Variants in PLXDC2 observed in about 807,000 individuals in gnomAD.
PLXDC2 encodes the protein plexin domain-containing protein 2.
PLXDC2 carries 40 observed loss-of-function variants against 68.9 expected under a neutral mutation model. That is an observed-to-expected ratio of 0.58 (90% CI 0.45 to 0.76). The LOEUF (loss-of-function observed/expected upper bound fraction) is 0.76, where lower values mean the gene tolerates loss of function less well. PLXDC2 is among the 30% of genes least tolerant of loss of function. The pLI, the probability that PLXDC2 is intolerant of heterozygous loss-of-function variation, is 0.00. For missense variants in PLXDC2, 644 were observed against 661.9 expected (o/e 0.97, Z 0.30); for synonymous variants, 243 against 234.2 (o/e 1.04, Z -0.34).
intron 1 of PLXDC2, among the ~76,000 whole-genome samples, chr10:19,835,890 A>G (rs1221010013): frequency 6.6e-6 from 1 of 152,104 alleles, no homozygotes; most frequent in Non-Finnish European, 1.5e-5. Flanking sequence ...CATGGCTGGG[A>G]TCTGGGTGTG....
intron 2 of PLXDC2, among the ~76,000 whole-genome samples, chr10:20,038,706 T>C (rs1671446967): frequency 6.6e-6 from 1 of 152,206 alleles, no homozygotes; most frequent in Non-Finnish European, 1.5e-5. Context: ...TTAATATAAT[T>C]CTTTAGCAAC....
intron 2 of PLXDC2, among the ~76,000 whole-genome samples, chr10:20,012,192 C>G (rs1036063699): frequency 6.7e-6 from 1 of 150,192 alleles, no homozygotes; most frequent in African/African-American, 2.5e-5. Context: ...TATTTTTAAG[C>G]AATGATTAAT....
intron 1 of PLXDC2, among the ~76,000 whole-genome samples, chr10:19,879,487 G>C (rs982210089): frequency 6.6e-6 from 1 of 151,982 alleles, no homozygotes; most frequent in African/African-American, 2.4e-5. Flanking sequence ...AATTTTAAAC[G>C]CTCATTGTGT....
intron 1 of PLXDC2, among the ~76,000 whole-genome samples, chr10:19,895,403 C>A (rs1421661607): frequency 6.6e-6 from 1 of 152,088 alleles, no homozygotes; most frequent in Non-Finnish European, 1.5e-5. Flanking sequence ...TTCTAAATTT[C>A]CCAGTAGCCG....
In PLXDC2 at chr10:20,006,131, A is replaced by T. The variant is rs1014648606; in HGVS notation, c.324+4145A>T. Among the ~76,000 whole-genome samples, 7 of 152,180 alleles carry T rather than the reference A, an allele frequency of 4.6e-5. No homozygotes were observed. In the East Asian group the frequency reaches 1.4e-3, roughly 29 times the overall value. The stretch of plus-strand genomic sequence containing the variant: ...GGAGTGTAGGTTGCAGCCAGCTGAG[A>T]TTCCACCACTGTACTCCAACCTGGG... On this transcript the variant is annotated intron_variant, in intron 2 of 13. Coordinates refer to ENST00000377252, the MANE Select transcript of PLXDC2 (RefSeq NM_032812.9).
chr10:20,145,804 C>T (rs1221044337), intron 5 of PLXDC2, among the ~76,000 whole-genome samples: 1 of 152,096 alleles, frequency 6.6e-6, no homozygotes, highest in Non-Finnish European at 1.5e-5. Flanking sequence ...CCGCCTGCCT[C>T]GGCCTCTCAA....
chr10:19,968,144 G>C (rs1306822893), intron 1 of PLXDC2, among the ~76,000 whole-genome samples: 2 of 152,230 alleles, frequency 1.3e-5, no homozygotes, highest in African/African-American at 4.8e-5. Context: ...TCAGCGTTAA[G>C]ATGGGTTTTG....
intron 1 of PLXDC2, among the ~76,000 whole-genome samples, chr10:19,841,789 C>G (rs1022762743): frequency 6.6e-6 from 1 of 152,028 alleles, no homozygotes; most frequent in African/African-American, 2.4e-5. Context: ...TTTTATTCAG[C>G]ATTGCTCATT....
intron 4 of PLXDC2, among the ~76,000 whole-genome samples, chr10:20,084,583 G>T (rs1246233095): frequency 6.6e-6 from 1 of 152,066 alleles, no homozygotes; most frequent in African/African-American, 2.4e-5. Flanking sequence ...TGGAAGGCAG[G>T]TAGAAGGCAG....
chr10:20,058,158 A>G (rs10827935), intron 3 of PLXDC2, among the ~76,000 whole-genome samples: 24,910 of 152,050 alleles, frequency 0.16, 2,272 homozygotes, highest in South Asian at 0.36. Flanking sequence ...TTGGTACGTA[A>G]TATTTTACAT....
intron 2 of PLXDC2, among the ~76,000 whole-genome samples, chr10:20,012,401 T>A (rs1835135809): frequency 7.8e-6 from 1 of 128,012 alleles, no homozygotes; most frequent in South Asian, 2.8e-4. Context: ...AACTGCACCC[T>A]CCACCTTCCA....
chr10:20,255,635 A>G (rs1275553430), intron 13 of PLXDC2, among the ~76,000 whole-genome samples: 1 of 152,094 alleles, frequency 6.6e-6, no homozygotes, highest in Non-Finnish European at 1.5e-5. Flanking sequence ...AACTAAACTA[A>G]ATTAGTTTAT....
chr10:19,949,123 CAAAAAAA>C (rs60138814), intron 1 of PLXDC2, among the ~76,000 whole-genome samples: 17 of 82,916 alleles, frequency 2.1e-4, no homozygotes, highest in Middle Eastern at 0.021. Context: ...GAGACTTTGT[CAAAAAAA>C]AAAAAAAAAA....
chr10:20,270,017 AAAAAT>A (rs149243687), intron 13 of PLXDC2, among the ~76,000 whole-genome samples: 91,471 of 146,170 alleles, frequency 0.63, 28,733 homozygotes, highest in Middle Eastern at 0.78. Flanking sequence ...GGCTCCATCA[AAAAAT>A]AAAATAAAAT....
intron 4 of PLXDC2, among the ~76,000 whole-genome samples, chr10:20,138,771 G>A (rs1199790348): frequency 6.6e-6 from 1 of 152,028 alleles, no homozygotes; most frequent in Non-Finnish European, 1.5e-5. Flanking sequence ...AAATTAGCTG[G>A]GCATGGTGGT....
rs541290942 is a variant in PLXDC2, at chr10:19,816,488, C to A, written c.-592C>A. ...CAGCTCTTTGGAGCTGCCCATTCCTCCGGCTGCGAGAAAGGACGCGCGCCC... is the reference window on the plus strand; with the variant it reads ...CAGCTCTTTGGAGCTGCCCATTCCTACGGCTGCGAGAAAGGACGCGCGCCC... On this transcript the variant is annotated 5_prime_UTR_variant, in exon 1 of 14. Coordinates refer to ENST00000377252, the MANE Select transcript of PLXDC2 (RefSeq NM_032812.9). 6.5e-6 allele frequency: 1 copy of A among 153,176 alleles called. No individual in the cohort carries two copies. The highest frequency in any genetic ancestry group is 1.4e-5 in the Non-Finnish European group (1 of 69,018). 9.5% of individuals were successfully genotyped at this position (153,176 alleles called of 1,614,324 possible). A position where few individuals can be genotyped will look rare whatever the true frequency, so the allele number is the denominator to read the frequency against.
At chr10:20,157,687 C>A (rs1834235403) in intron 6 of PLXDC2, among the ~76,000 whole-genome samples, 1 of 152,192 alleles carries the variant, frequency 6.6e-6, no homozygotes, top group Non-Finnish European at 1.5e-5. Context: ...CCCCTGACAT[C>A]TTTTCCTGCC....
In PLXDC2 at chr10:20,217,596, CTTTTTTTTTTTTTTTTTT is replaced by C; in HGVS notation, c.1273+31_1273+48del. 6.4e-6 allele frequency: 5 copies of C among 783,776 alleles called. 1 individual carries two copies. The highest frequency in any genetic ancestry group is 3.1e-6 in the Non-Finnish European group (2 of 647,416). 48.6% of individuals were successfully genotyped at this position (783,776 alleles called of 1,614,324 possible). On this transcript the variant is annotated intron_variant, in intron 11 of 13. Transcript: ENST00000377252. ...CAGAAGGTACCCAAGAGATAGTTTG[CTTTTTTTTTTTTTTTTTT>C]TTTTTTTTTTCCCTGAAGGAAGGAA...
At chr10:19,865,525 C>A (rs1172010233) in intron 1 of PLXDC2, among the ~76,000 whole-genome samples, 1 of 152,104 alleles carries the variant, frequency 6.6e-6, no homozygotes, top group Admixed American at 6.6e-5. Context: ...TTATGTCTTT[C>A]CTACGTCATT....
Sources: gnomAD v4.1 joint callset for allele counts (sites outside exome capture counted in the v4.1 genomes callset) on GRCh38, gnomAD v4.1.1 for gene constraint, MANE v1.5 for transcripts, NCBI Gene and HGNC (gene_info 2026-07-23, HGNC 2026-07-21) for gene names.